Variants in TMEM106B observed in about 807,000 individuals in gnomAD.
The protein encoded by TMEM106B is transmembrane protein 106B.
TMEM106B carries 15 observed loss-of-function variants against 31.1 expected under a neutral mutation model. That is an observed-to-expected ratio of 0.48 (90% CI 0.32 to 0.74). The LOEUF is 0.74. TMEM106B is among the 30% of genes least tolerant of loss of function. TMEM106B has a pLI of 0.03. For missense variants in TMEM106B, 283 were observed against 327.3 expected (o/e 0.86, Z 1.04); for synonymous variants, 126 against 112.5 (o/e 1.12, Z -0.76).
rs1490035103 is a variant in TMEM106B, at chr7:12,235,783, A to G, written c.*3808A>G. The G allele has an allele frequency of 6.6e-6, 1 of 151,858 alleles. No homozygotes were observed. Among genetic ancestry groups the G allele is most frequent in the East Asian group, 1.9e-4 (1 of 5,200 alleles). 9.4% of individuals were successfully genotyped at this position (151,858 alleles called of 1,614,324 possible). Reference sequence around the variant, plus strand: ...TTAAAAGATGTAAATTTTTAAATTTACAAATACATATGGGTCTTTGATAAG... The same window carrying G: ...TTAAAAGATGTAAATTTTTAAATTTGCAAATACATATGGGTCTTTGATAAG... On this transcript the variant is annotated 3_prime_UTR_variant, in exon 8 of 8. Transcript: ENST00000396668.
In TMEM106B at chr7:12,241,687, T is replaced by C. The variant is rs577173827; in HGVS notation, c.*9712T>C. The C allele has an allele frequency of 1.3e-5, 2 of 152,330 alleles. No individual in the cohort carries two copies. The highest frequency in any genetic ancestry group is 4.8e-5 in the African/African-American group (2 of 41,574). 9.4% of individuals were successfully genotyped at this position (152,330 alleles called of 1,614,324 possible). ...TTGGGTTGGTTCCAAGTCTTTACTA[T>C]TGTGAACAGTGCTGCAATAAACATA... On this transcript the variant is annotated 3_prime_UTR_variant, in exon 8 of 8. Transcript: ENST00000396668.
At chr7:12,228,177 A>C (rs1455385652) in intron 4 of TMEM106B, among the ~76,000 whole-genome samples, 1 of 151,916 alleles carries the variant, frequency 6.6e-6, no homozygotes, top group African/African-American at 2.4e-5. Flanking sequence ...ATTTGTGACT[A>C]TACCAATGTA....
Position 12,236,832 on chromosome 7 carries a change from A to G in TMEM106B, c.*4857A>G, listed in dbSNP as rs1044565003. ...ATAAATTATTAACAAGCCATGCCTT[A>G]TGTGTTTCATCTTATATTTTTCTTT... On this transcript the variant is annotated 3_prime_UTR_variant, in exon 8 of 8. Coordinates refer to ENST00000396668, the MANE Select transcript of TMEM106B (RefSeq NM_001134232.2). The G allele has an allele frequency of 6.6e-6, 1 of 152,060 alleles. No homozygotes were observed. The highest frequency in any genetic ancestry group is 2.4e-5 in the African/African-American group (1 of 41,444). 9.4% of individuals were successfully genotyped at this position (152,060 alleles called of 1,614,324 possible). A position where few individuals can be genotyped will look rare whatever the true frequency, so the allele number is the denominator to read the frequency against.
chr7:12,224,453 C>A, intron 4 of TMEM106B, 68 bp downstream of exon 4: 1 of 1,335,578 alleles, frequency 7.5e-7, no homozygotes, highest in East Asian at 2.4e-5. Context: ...CACCTTTGTC[C>A]CCATTGAGAA....
rs552734255 is a variant in TMEM106B at position 12,233,725 on chromosome 7, T to A, written c.*1750T>A. Reference sequence around the variant, plus strand: ...TTTTTCTTCTGCTACGTTTCCTGACTACTACTGCATACTTCTCTGATACAG... The same window carrying A: ...TTTTTCTTCTGCTACGTTTCCTGACAACTACTGCATACTTCTCTGATACAG... On this transcript the variant is annotated 3_prime_UTR_variant, in exon 8 of 8. Transcript: ENST00000396668. The A allele has an allele frequency of 1.1e-4, 17 of 151,750 alleles. 1 individual carries two copies. In the South Asian group the frequency reaches 2.9e-3, roughly 26 times the overall value. 9.4% of individuals were successfully genotyped at this position (151,750 alleles called of 1,614,324 possible). A position where few individuals can be genotyped will look rare whatever the true frequency, so the allele number is the denominator to read the frequency against.
Position 12,237,196 on chromosome 7 carries a change from T to TG in TMEM106B, c.*5221_*5222insG, listed in dbSNP as rs1562713006. 15 of 152,246 alleles carry TG rather than the reference T, an allele frequency of 9.9e-5. No homozygotes were observed. The highest frequency in any genetic ancestry group is 3.4e-4 in the African/African-American group (14 of 41,568). 9.4% of individuals were successfully genotyped at this position (152,246 alleles called of 1,614,324 possible). On this transcript the variant is annotated 3_prime_UTR_variant, in exon 8 of 8. Transcript: ENST00000396668. ...TCAGTTATAACTGTTACTCTTGTAG[T>TG]TGTGTATGACGCAATAAAATTTGTA...
chr7:12,213,182 T>C (rs1303042456), intron 1 of TMEM106B, among the ~76,000 whole-genome samples: 2 of 152,332 alleles, frequency 1.3e-5, no homozygotes, highest in African/African-American at 4.8e-5. Context: ...TTGATACTCT[T>C]ATCCTAAAAT....
chr7:12,218,516 A>G lies in TMEM106B; in HGVS notation c.276A>G (p.Arg92=), dbSNP rs1781730206. 4.3e-6 allele frequency: 7 copies of G among 1,610,248 alleles called. No individual in the cohort carries two copies. Among genetic ancestry groups the G allele is most frequent in the Non-Finnish European group, 5.9e-6 (7 of 1,178,150 alleles). Residue 92 remains arginine, a synonymous_variant, in exon 3 of 8, where the codon AGA becomes AGG. Transcript: ENST00000396668. ...ATAGTGATCAGAGATTAAGGCCAAGAAGAACGTAAGTGATTCTAAGAATAT... is the reference window on the plus strand; with the variant it reads ...ATAGTGATCAGAGATTAAGGCCAAGGAGAACGTAAGTGATTCTAAGAATAT... The part of the protein sequence containing the change: ...IPYSDQRLRP[R]RTKLYVMASV...
At position 12,235,505 on chromosome 7, in the gene TMEM106B, G is replaced by T. The variant is rs187288537; in HGVS notation, c.*3530G>T. 1 of 151,680 alleles carries T rather than the reference G, an allele frequency of 6.6e-6. No homozygotes were observed. Among genetic ancestry groups the T allele is most frequent in the Non-Finnish European group, 1.5e-5 (1 of 67,748 alleles). The allele number at this position is 151,680 out of a possible 1,614,324, so 9.4% of individuals were successfully genotyped here. A position where few individuals can be genotyped will look rare whatever the true frequency, so the allele number is the denominator to read the frequency against. On this transcript the variant is annotated 3_prime_UTR_variant, in exon 8 of 8. Transcript: ENST00000396668. ...TGATTTACAGTTTGGAAAGGACACC[G>T]CAATGTTCAAATAGGTAGGAGACCA...
chr7:12,221,710 CA>C (rs1410846002), intron 3 of TMEM106B, among the ~76,000 whole-genome samples: 1 of 152,166 alleles, frequency 6.6e-6, no homozygotes, highest in African/African-American at 2.4e-5. Flanking sequence ...AGGAAGGAAC[CA>C]ACCCAGGCAG....
intron 3 of TMEM106B, among the ~76,000 whole-genome samples, 180 bp downstream of exon 3, chr7:12,218,701 T>G (rs971064134): frequency 6.6e-6 from 1 of 152,130 alleles, no homozygotes; most frequent in Non-Finnish European, 1.5e-5. Flanking sequence ...CTGGTTGGGG[T>G]AAGGTCTTGA....
rs1782096387 is a variant in TMEM106B at position 12,234,772 on chromosome 7, G to C, written c.*2797G>C. ...GTACTATAACAAACCTCTGTATGTTGATAGCACATTGGCCCTTTTTAGAGT... is the reference window on the plus strand; with the variant it reads ...GTACTATAACAAACCTCTGTATGTTCATAGCACATTGGCCCTTTTTAGAGT... On this transcript the variant is annotated 3_prime_UTR_variant, in exon 8 of 8. Transcript: ENST00000396668. The C allele has an allele frequency of 7.8e-6, 1 of 128,326 alleles. No individual in the cohort carries two copies. Among genetic ancestry groups the C allele is most frequent in the Admixed American group, 8.1e-5 (1 of 12,344 alleles). 7.9% of individuals were successfully genotyped at this position (128,326 alleles called of 1,614,324 possible).
At chr7:12,213,441 A>T (rs1039463940) in intron 1 of TMEM106B, among the ~76,000 whole-genome samples, 1 of 152,234 alleles carries the variant, frequency 6.6e-6, no homozygotes, top group African/African-American at 2.4e-5. Flanking sequence ...GAAACGTACT[A>T]CTTTGAAGTT....
At chr7:12,221,087 A>AGTTGTGT in intron 3 of TMEM106B, among the ~76,000 whole-genome samples, 1 of 150,060 alleles carries the variant, frequency 6.7e-6, no homozygotes, top group African/African-American at 2.5e-5. Context: ...AAGCAAGTAA[A>AGTTGTGT]GTGTGTGTGT....
At chr7:12,226,330 T>C (rs1781900753) in intron 4 of TMEM106B, among the ~76,000 whole-genome samples, 2 of 152,120 alleles carry the variant, frequency 1.3e-5, no homozygotes, top group Admixed American at 1.3e-4. Context: ...GCAAACAATG[T>C]GTGTTTCTTA....
Position 12,231,891 on chromosome 7 carries a change from G to A in TMEM106B, c.741G>A (p.Arg247=), listed in dbSNP as rs1331295185. 1.2e-6 allele frequency: 2 copies of A among 1,611,854 alleles called. No homozygotes were observed. The highest frequency in any genetic ancestry group is 1.7e-6 in the Non-Finnish European group (2 of 1,178,520). The change falls in exon 8 of 8, where the codon AGG becomes AGA. Residue 247 remains arginine, a synonymous_variant. Transcript: ENST00000396668. ...FGHSEQISQE[R]YQYVDCGRNT... ...ACTCTGAACAGATATCCCAGGAGAG[G>A]TATCAGTATGTCGACTGTGGAAGAA...
intron 3 of TMEM106B, among the ~76,000 whole-genome samples, chr7:12,223,070 T>G (rs1781818902): frequency 6.6e-6 from 1 of 152,196 alleles, no homozygotes; most frequent in African/African-American, 2.4e-5. Flanking sequence ...AGAGGACTTG[T>G]ATGTTAGAGA....
chr7:12,240,116 C>A lies in TMEM106B; in HGVS notation c.*8141C>A, dbSNP rs1471265536. ...ACCTTTCATTAGCTGGCTACAATCT[C>A]AGTTCACAATCATTTCTTATTGCCC... On this transcript the variant is annotated 3_prime_UTR_variant, in exon 8 of 8. Coordinates refer to ENST00000396668, the MANE Select transcript of TMEM106B (RefSeq NM_001134232.2). The A allele has an allele frequency of 6.6e-6, 1 of 152,162 alleles. No homozygotes were observed. The highest frequency in any genetic ancestry group is 2.4e-5 in the African/African-American group (1 of 41,450). The allele number at this position is 152,162 out of a possible 1,614,324, so 9.4% of individuals were successfully genotyped here.
chr7:12,229,199 G>A (rs996708455), intron 4 of TMEM106B, among the ~76,000 whole-genome samples: 2 of 152,070 alleles, frequency 1.3e-5, no homozygotes, highest in African/African-American at 4.8e-5. Flanking sequence ...TGTAGAAGGT[G>A]ATCCCAGCTA....
Sources: allele counts gnomAD v4.1 joint callset (sites outside exome capture counted in the v4.1 genomes callset), GRCh38; gene constraint gnomAD v4.1.1; transcripts MANE v1.5; gene names NCBI Gene and HGNC (gene_info 2026-07-23, HGNC 2026-07-21).